Variants in DNAH5 observed in about 807,000 individuals in gnomAD.
DNAH5 encodes the protein axonemal beta dynein heavy chain 5.
In DNAH5, 372 loss-of-function variants were observed where a neutral mutation model predicts 518.2. That is an observed-to-expected ratio of 0.72 (90% CI 0.66 to 0.78). The LOEUF is 0.78. Among genes scored for constraint, DNAH5 ranks in the 30% least tolerant of loss-of-function variants. The probability of loss-of-function intolerance (pLI) is 0.00; values close to 1 mark genes in which losing one functional copy is unlikely to be tolerated. For synonymous variants in DNAH5, 2,039 were observed against 2,025.9 expected (o/e 1.01, Z -0.17); for missense variants, 5,523 against 5,687.0 (o/e 0.97, Z 0.93).
rs1413857970 is a variant in DNAH5, at chr5:13,753,347, C to G, written c.10758G>C (p.Leu3586Phe). Reference protein sequence around the residue: ...WNLQGLPNDDLSIQNGIIVTK... With the variant: ...WNLQGLPNDDFSIQNGIIVTK... The stretch of plus-strand genomic sequence containing the variant: ...TGACAATAATTCCATTTTGAATGGA[C>G]AAGTCATCATTTGGCAGACCTTGGA... The change falls in exon 63 of 79, where the codon TTG becomes TTC. Residue 3586 changes from leucine to phenylalanine, a missense_variant. By Grantham distance (22) the Leu-to-Phe change is conservative. Coordinates refer to ENST00000265104, the MANE Select transcript of DNAH5 (RefSeq NM_001369.3). 1 of 1,613,704 alleles carries G rather than the reference C, an allele frequency of 6.2e-7. No homozygotes were observed. The highest frequency in any genetic ancestry group is 1.7e-5 in the Admixed American group (1 of 59,998).
At chr5:13,858,893 C>T (rs1213361871) in intron 30 of DNAH5, among the ~76,000 whole-genome samples, 5 of 152,118 alleles carry the variant, frequency 3.3e-5, no homozygotes, top group Admixed American at 1.3e-4. Flanking sequence ...TTAAAATGTT[C>T]ATTTAAAAAT....
intron 21 of DNAH5, among the ~76,000 whole-genome samples, chr5:13,877,940 A>C (rs1389873708): frequency 6.6e-6 from 1 of 152,128 alleles, no homozygotes; most frequent in African/African-American, 2.4e-5. Flanking sequence ...CTTTAAAACC[A>C]TGGCCCCTTG....
At position 13,770,835 on chromosome 5, in the gene DNAH5, C is replaced by T; in HGVS notation, c.9519G>A (p.Val3173=). The T allele has an allele frequency of 6.2e-7, 1 of 1,614,050 alleles. No individual in the cohort carries two copies. The highest frequency in any genetic ancestry group is 8.5e-7 in the Non-Finnish European group (1 of 1,179,974). ...YFQRFRRSTH[V]TPKSYLSFIQ... ...TAAAGGAGAGGTATGATTTGGGCGTCACGTGGGTAGAACGTCGGAATCTCT... is the reference window on the plus strand; with the variant it reads ...TAAAGGAGAGGTATGATTTGGGCGTTACGTGGGTAGAACGTCGGAATCTCT... The change falls in exon 56 of 79, where the codon GTG becomes GTA. Residue 3173 remains valine, a synonymous_variant. Transcript: ENST00000265104.
chr5:13,944,534 AAG>A lies in DNAH5; in HGVS notation c.-98_-97del. The stretch of plus-strand genomic sequence containing the variant: ...AACATCCAACAGGCTTCCAAATGGA[AAG>A]TTTTACTTCCATTTTACTTTCACGT... On this transcript the variant is annotated 5_prime_UTR_variant, in exon 1 of 79. It removes the in-frame stop codon of an upstream open reading frame in the 5' UTR. Coordinates refer to ENST00000265104, the MANE Select transcript of DNAH5 (RefSeq NM_001369.3). 9.8e-7 allele frequency: 1 copy of A among 1,019,190 alleles called. No homozygotes were observed. The highest frequency in any genetic ancestry group is 1.5e-6 in the Non-Finnish European group (1 of 658,820). The allele number at this position is 1,019,190 out of a possible 1,614,324, so 63.1% of individuals were successfully genotyped here. A position where few individuals can be genotyped will look rare whatever the true frequency, so the allele number is the denominator to read the frequency against.
intron 35 of DNAH5, among the ~76,000 whole-genome samples, chr5:13,837,836 G>T (rs528049712): frequency 6.6e-6 from 1 of 151,870 alleles, no homozygotes; most frequent in African/African-American, 2.4e-5. Context: ...GAGTAGCCGG[G>T]ACTATGGCCA....
At chr5:13,731,838 C>T (rs1046438077) in intron 68 of DNAH5, among the ~76,000 whole-genome samples, 1 of 152,168 alleles carries the variant, frequency 6.6e-6, no homozygotes, top group African/African-American at 2.4e-5. Flanking sequence ...AGACCACCAT[C>T]CAAATACTGT....
chr5:13,905,366 T>C (rs769174963), intron 12 of DNAH5, among the ~76,000 whole-genome samples: 13 of 152,232 alleles, frequency 8.5e-5, no homozygotes, highest in Non-Finnish European at 1.6e-4. Context: ...CAGCCCTCTC[T>C]TGCTTTCTCA....
intron 50 of DNAH5, among the ~76,000 whole-genome samples, chr5:13,791,098 A>AT (rs199687256): frequency 2.0e-5 from 3 of 151,452 alleles, no homozygotes; most frequent in South Asian, 2.1e-4. Context: ...TCAACAAATA[A>AT]TTTTTTAAAA....
chr5:13,943,262 C>T (rs1580996939), intron 1 of DNAH5, among the ~76,000 whole-genome samples: 1 of 152,122 alleles, frequency 6.6e-6, no homozygotes. Context: ...TACTATGGAC[C>T]AAGCTCTGTG....
intron 38 of DNAH5, 58 bp from the exon 39 acceptor site, chr5:13,824,391 A>C (rs1762628929): frequency 6.5e-7 from 1 of 1,529,650 alleles, no homozygotes; most frequent in East Asian, 2.3e-5. Context: ...TGCAGAAGCC[A>C]TATGAATCTG....
At chr5:13,957,861 T>C (rs1780870534) in intron 1 of DNAH5, among the ~76,000 whole-genome samples, 1 of 151,496 alleles carries the variant, frequency 6.6e-6, no homozygotes, top group South Asian at 2.1e-4. Context: ...GATTGGAAAA[T>C]AGAAAAAATC....
At position 13,864,406 on chromosome 5, in the gene DNAH5, C is replaced by A. The variant is rs569428035; in HGVS notation, c.4587G>T (p.Glu1529Asp). 6.2e-7 allele frequency: 1 copy of A among 1,613,942 alleles called. No homozygotes were observed. The highest frequency in any genetic ancestry group is 8.5e-7 in the Non-Finnish European group (1 of 1,179,976). Residue 1529 changes from glutamate (E) to aspartate (D), a missense_variant, in exon 28 of 79, where the codon GAG (glutamate) becomes GAT (aspartate). Physicochemically the swap from Glu to Asp is conservative, Grantham distance 45 (BLOSUM62 2). Transcript: ENST00000265104. ...IMEAPLLKYK[E>D]EIEDICISAV... is the part of the protein sequence containing the mutation. The stretch of plus-strand genomic sequence containing the variant: ...TCACATCATACTCTACCTCTATTTC[C>A]TCTTTATATTTCAGAAGAGGTGCCT...
chr5:13,791,387 G>T (rs1756961433), intron 50 of DNAH5, among the ~76,000 whole-genome samples: 1 of 152,168 alleles, frequency 6.6e-6, no homozygotes, highest in Admixed American at 6.5e-5. Flanking sequence ...TAGTTTGAGG[G>T]AAATTCTTAT....
intron 51 of DNAH5, among the ~76,000 whole-genome samples, 164 bp from the exon 52 acceptor site, chr5:13,786,515 C>T (rs759872955): frequency 6.6e-6 from 1 of 152,130 alleles, no homozygotes; most frequent in African/African-American, 2.4e-5. Flanking sequence ...ACAATAGAAG[C>T]GTTAGGATTT....
intron 75 of DNAH5, among the ~76,000 whole-genome samples, chr5:13,711,780 C>CA (rs553072896): frequency 1.3e-4 from 19 of 151,902 alleles, no homozygotes; most frequent in South Asian, 4.2e-4. Flanking sequence ...ACAATAGCTG[C>CA]AAAAAAATAA....
chr5:13,778,861 C>A lies in DNAH5; in HGVS notation c.8952-1506G>T, dbSNP rs191281695. ...AAAGGAAAGAAAGACCCTGGCCCTT[C>A]GTCTCATCAGTAATGGATCATTCCC... On this transcript the variant is annotated intron_variant, in intron 53 of 78. Transcript: ENST00000265104. 1.7e-3 allele frequency among the ~76,000 whole-genome samples: 259 copies of A among 152,306 alleles called. 1 individual carries two copies. Among genetic ancestry groups the A allele is most frequent in the Admixed American group, 0.017 (253 of 15,290 alleles).
intron 32 of DNAH5, among the ~76,000 whole-genome samples, 162 bp from the exon 33 acceptor site, chr5:13,842,066 G>C (rs1258651056): frequency 6.7e-6 from 1 of 150,274 alleles, no homozygotes; most frequent in African/African-American, 2.5e-5. Flanking sequence ...AAAAAGCCAT[G>C]AAATCTAAAA....
At chr5:13,965,496 A>T (rs1237718122) in intron 1 of DNAH5, among the ~76,000 whole-genome samples, 1 of 152,238 alleles carries the variant, frequency 6.6e-6, no homozygotes, top group Non-Finnish European at 1.5e-5. Flanking sequence ...TATATAGAAC[A>T]ACTAACAAAG....
Position 13,845,767 on chromosome 5 carries a change from T to A in DNAH5, c.5115-774A>T, listed in dbSNP as rs1367347808. On this transcript the variant is annotated intron_variant, in intron 31 of 78. Transcript: ENST00000265104. ...TAAACTTTACCAGCTTTTTAATTTTTATTTTTTTTAATTTTTGCTCTTCCC... is the reference window on the plus strand; with the variant it reads ...TAAACTTTACCAGCTTTTTAATTTTAATTTTTTTTAATTTTTGCTCTTCCC... 3.8e-3 allele frequency among the ~76,000 whole-genome samples: 213 copies of A among 55,474 alleles called. 3 individuals carry two copies. The highest frequency in any genetic ancestry group is 0.019 in the African/African-American group (199 of 10,514). 36.4% of individuals were successfully genotyped at this position (55,474 alleles called of 152,430 possible). A position where few individuals can be genotyped will look rare whatever the true frequency, so the allele number is the denominator to read the frequency against.
Sources: allele counts gnomAD v4.1 joint callset (sites outside exome capture counted in the v4.1 genomes callset), GRCh38; gene constraint gnomAD v4.1.1; transcripts MANE v1.5; gene names NCBI Gene and HGNC (gene_info 2026-07-23, HGNC 2026-07-21).